ZDHHC13: variants seen among roughly 807,000 people sequenced by gnomAD.
The protein encoded by ZDHHC13 is zDHHC palmitoyltransferase 13, also known as palmitoyltransferase ZDHHC13.
In ZDHHC13, 85 loss-of-function variants were observed where a neutral mutation model predicts 86.0. The ratio of observed to expected loss-of-function variants is 0.99; its 90% CI spans 0.83 to 1.18. The LOEUF (loss-of-function observed/expected upper bound fraction) is 1.18, where lower values mean the gene tolerates loss of function less well. Among genes scored for constraint, ZDHHC13 ranks in the 50% most tolerant of loss-of-function variants. The probability of loss-of-function intolerance (pLI) is 0.00; values close to 1 mark genes in which losing one functional copy is unlikely to be tolerated. For missense variants in ZDHHC13, 711 were observed against 730.2 expected, an observed-to-expected ratio of 0.97 and a Z score of 0.30; for synonymous variants, 263 against 246.4, an observed-to-expected ratio of 1.07 and a Z score of -0.63.
intron 1 of ZDHHC13, among the ~76,000 whole-genome samples, chr11:19,139,298 T>C (rs1430392860): frequency 6.6e-6 from 1 of 152,028 alleles, no homozygotes; most frequent in African/African-American, 2.4e-5. Context: ...AAATTATGAG[T>C]GAACTCCCAT....
rs1770239116 is a variant in ZDHHC13 at position 19,117,758 on chromosome 11, G to A, written c.27+482G>A. 6.4e-6 allele frequency: 1 copy of A among 156,664 alleles called. No homozygotes were observed. The highest frequency in any genetic ancestry group is 1.9e-4 in the East Asian group (1 of 5,374). The allele number at this position is 156,664 out of a possible 1,614,324, so 9.7% of individuals were successfully genotyped here. A position where few individuals can be genotyped will look rare whatever the true frequency, so the allele number is the denominator to read the frequency against. ...TTTTCGCTCCTGTTTCCGCATCCTT[G>A]CTTACTCCTTGAAATAATTAAGGCT... is the stretch of plus-strand genomic sequence containing the variant. On this transcript the variant is annotated intron_variant, in intron 1 of 16. Coordinates refer to ENST00000446113, the MANE Select transcript of ZDHHC13 (RefSeq NM_019028.3). The surrounding 1 kb of genome is among the most constrained non-coding windows in gnomAD (Gnocchi z 4.2).
intron 4 of ZDHHC13, among the ~76,000 whole-genome samples, chr11:19,148,193 T>C (rs1049717504): frequency 6.6e-6 from 1 of 152,118 alleles, no homozygotes; most frequent in South Asian, 2.1e-4. Context: ...ATTGGCCATC[T>C]GAAACTGAAG....
intron 1 of ZDHHC13, among the ~76,000 whole-genome samples, chr11:19,119,048 G>A (rs931300143): frequency 1.3e-5 from 2 of 152,192 alleles, no homozygotes; most frequent in Admixed American, 1.3e-4. Context: ...TCCAAGATCG[G>A]TGCTGTTGGA....
At chr11:19,166,583 A>G in intron 14 of ZDHHC13, 198 bp downstream of exon 14, 1 of 398,332 alleles carries the variant, frequency 2.5e-6, no homozygotes, top group Non-Finnish European at 4.4e-6. Flanking sequence ...TCAGTACTTT[A>G]GGAAAAAAAT....
chr11:19,138,212 A>G (rs1849203152), intron 1 of ZDHHC13, among the ~76,000 whole-genome samples: 1 of 133,382 alleles, frequency 7.5e-6, no homozygotes, highest in East Asian at 2.4e-4. Context: ...TAGATGCAAT[A>G]AAAAATGATA....
At chr11:19,167,994 T>G (rs184762137) in intron 14 of ZDHHC13, 1 of 152,256 alleles carries the variant, frequency 6.6e-6, no homozygotes, top group Non-Finnish European at 1.5e-5. Flanking sequence ...TTAAATTTTT[T>G]GTAGAGATGG....
chr11:19,133,277 A>G (rs566554637), intron 1 of ZDHHC13, among the ~76,000 whole-genome samples: 33 of 152,226 alleles, frequency 2.2e-4, no homozygotes, highest in African/African-American at 6.7e-4. Context: ...TGGTACAACC[A>G]TTTTGAAGAT....
chr11:19,142,027 C>T (rs116353340), intron 1 of ZDHHC13, among the ~76,000 whole-genome samples: 4 of 152,112 alleles, frequency 2.6e-5, no homozygotes, highest in African/African-American at 9.7e-5. Context: ...TGAGCTAGCA[C>T]GCCACCCGTA....
chr11:19,129,625 T>C (rs994874044), intron 1 of ZDHHC13, among the ~76,000 whole-genome samples: 2 of 152,176 alleles, frequency 1.3e-5, no homozygotes, highest in Admixed American at 1.3e-4. Context: ...TTGATTTATT[T>C]TGAAATGTTT....
chr11:19,164,477 A>T (rs1207896028), intron 12 of ZDHHC13, 114 bp downstream of exon 12: 1 of 1,006,556 alleles, frequency 9.9e-7, no homozygotes, highest in Non-Finnish European at 1.5e-6. Flanking sequence ...GTTTTTACCC[A>T]TTTCTAATTT....
chr11:19,139,020 C>T (rs1361775468), intron 1 of ZDHHC13, among the ~76,000 whole-genome samples: 2 of 152,094 alleles, frequency 1.3e-5, no homozygotes, highest in Non-Finnish European at 2.9e-5. Flanking sequence ...TGGATGCCCT[C>T]TCTCACCACT....
At chr11:19,133,774 T>A (rs779561891) in intron 1 of ZDHHC13, among the ~76,000 whole-genome samples, 14 of 151,628 alleles carry the variant, frequency 9.2e-5, no homozygotes, top group Admixed American at 1.3e-4. Context: ...GTCAGGAAAC[T>A]GTTCTTTTAG....
At chr11:19,172,684 C>G in intron 15 of ZDHHC13, 39 bp from the exon 16 acceptor site, 7 of 1,493,614 alleles carry the variant, frequency 4.7e-6, no homozygotes, top group Non-Finnish European at 5.4e-6. Context: ...CTAAAAGTTG[C>G]ACACTGAATG....
chr11:19,158,531 G>A (rs903048839), intron 9 of ZDHHC13, among the ~76,000 whole-genome samples: 2 of 152,030 alleles, frequency 1.3e-5, no homozygotes, highest in African/African-American at 2.4e-5. Flanking sequence ...AAGAAAGCTT[G>A]CTAAATGTAA....
rs780722559 is a variant in ZDHHC13, at chr11:19,143,084, T to C, written c.134T>C (p.Ile45Thr). 1.2e-5 allele frequency: 20 copies of C among 1,613,336 alleles called. No homozygotes were observed. The highest frequency in any genetic ancestry group is 2.2e-5 in the East Asian group (1 of 44,884). The change falls in exon 2 of 17, where the codon ATA (isoleucine) becomes ACA (threonine). Residue 45 changes from isoleucine (I) to threonine (T), a missense_variant. Ile to Thr is a moderately conservative substitution (Grantham distance 89, BLOSUM62 -1). Transcript: ENST00000446113. ...AATGCAAGAGAAGCTCTTCCTCTTA[T>C]AGAGGACTCTAGTAACTGTGACATT... ...LANAREALPLIEDSSNCDIVK... is the reference protein window; with the variant it reads ...LANAREALPLTEDSSNCDIVK...
chr11:19,155,536 G>A (rs867758830), intron 8 of ZDHHC13, among the ~76,000 whole-genome samples: 2 of 140,540 alleles, frequency 1.4e-5, no homozygotes, highest in Non-Finnish European at 3.0e-5. Flanking sequence ...AGCCGAGATC[G>A]CACCATTGTG....
rs968314475 is a variant in ZDHHC13 at position 19,147,776 on chromosome 11, C to A, written c.374+103C>A. 1.3e-5 allele frequency: 10 copies of A among 762,308 alleles called. No homozygotes were observed. In the African/African-American group the frequency reaches 1.6e-4, roughly 12 times the overall value. The allele number at this position is 762,308 out of a possible 1,614,324, so 47.2% of individuals were successfully genotyped here. On this transcript the variant is annotated intron_variant, in intron 4 of 16. Coordinates refer to ENST00000446113, the MANE Select transcript of ZDHHC13 (RefSeq NM_019028.3). The stretch of plus-strand genomic sequence containing the variant: ...ATTTGAAAGGCTGTCTTTTCTTCCC[C>A]CCCCCCCTTTATTTAAAAATAAATT...
At chr11:19,126,755 C>T (rs968470891) in intron 1 of ZDHHC13, among the ~76,000 whole-genome samples, 3 of 151,978 alleles carry the variant, frequency 2.0e-5, no homozygotes. Flanking sequence ...GTAATAGCCT[C>T]CAGCTCCATT....
intron 15 of ZDHHC13, among the ~76,000 whole-genome samples, chr11:19,172,142 G>A (rs774535179): frequency 6.6e-6 from 1 of 151,970 alleles, no homozygotes; most frequent in African/African-American, 2.4e-5. Flanking sequence ...GCGGGATCTC[G>A]GCTCACTGCA....
Sources: allele counts gnomAD v4.1 joint callset (sites outside exome capture counted in the v4.1 genomes callset), GRCh38; gene constraint gnomAD v4.1.1; non-coding constraint Gnocchi (gnomAD v3.1); transcripts MANE v1.5; gene names NCBI Gene and HGNC (gene_info 2026-07-23, HGNC 2026-07-21).